SLCO6A1: variants seen among roughly 807,000 people sequenced by gnomAD.
The protein encoded by SLCO6A1 is solute carrier organic anion transporter family member 6A1.
SLCO6A1 carries 65 observed loss-of-function variants against 72.7 expected under a neutral mutation model. That is an observed-to-expected ratio of 0.89 (90% confidence interval 0.73 to 1.10). The LOEUF is 1.10. SLCO6A1 is among the 50% of genes least tolerant of loss of function. The probability of loss-of-function intolerance (pLI) is 0.00; values close to 1 mark genes in which losing one functional copy is unlikely to be tolerated. For missense variants in SLCO6A1, 874 were observed against 872.6 expected, an observed-to-expected ratio of 1.00 and a Z score of -0.02; for synonymous variants, 314 against 298.2, an observed-to-expected ratio of 1.05 and a Z score of -0.55.
chr5:102,471,820 G>A (rs549323144), intron 4 of SLCO6A1, among the ~76,000 whole-genome samples: 1 of 152,088 alleles, frequency 6.6e-6, no homozygotes, highest in South Asian at 2.1e-4. Context: ...TTTTAGTAAT[G>A]TGGGCAGACT....
intron 7 of SLCO6A1, among the ~76,000 whole-genome samples, chr5:102,430,845 G>C (rs1005140458): frequency 6.6e-6 from 1 of 151,890 alleles, no homozygotes; most frequent in African/African-American, 2.4e-5. Context: ...TCCTCAATTT[G>C]TTGGAATAGT....
In SLCO6A1 at chr5:102,388,726, T is replaced by A; in HGVS notation, c.1979A>T (p.Tyr660Phe). The change falls in exon 12 of 14, where the codon TAT becomes TTT. Residue 660 changes from tyrosine to phenylalanine, a missense_variant. By Grantham distance (22) the Tyr-to-Phe change is conservative (BLOSUM62 3). Transcript: ENST00000506729. The stretch of plus-strand genomic sequence containing the variant: ...TAAGAAAGCCATTTTTGTCTTGTTA[T>A]ATATCCAACAACGTCCTGTGTGTCC... ...KCGHTGRCWIYNKTKMAFLLV... is the reference protein window; with the variant it reads ...KCGHTGRCWIFNKTKMAFLLV... The A allele has an allele frequency of 6.2e-7, 1 of 1,600,210 alleles. No individual in the cohort carries two copies. Among genetic ancestry groups the A allele is most frequent in the Non-Finnish European group, 8.5e-7 (1 of 1,175,144 alleles).
Position 102,399,629 on chromosome 5 carries a change from CA to C in SLCO6A1, c.1739del (p.Leu580CysfsTer24). The C allele has an allele frequency of 6.2e-7, 1 of 1,607,082 alleles. No individual in the cohort carries two copies. The highest frequency in any genetic ancestry group is 8.5e-7 in the Non-Finnish European group (1 of 1,175,592). Reference protein sequence around the residue: ...KCDAKCYKLPLFIAFIFSTLI... With the variant: ...KCDAKCYKLPXFIAFIFSTLI... ...GTGTAGAAAAGATAAAAGCAATGAA[CA>C]AAGGTAACTTATAGCACTTTGCATC... On this transcript the variant is annotated frameshift_variant, in exon 10 of 14. Coordinates refer to ENST00000506729, the MANE Select transcript of SLCO6A1 (RefSeq NM_173488.5). LOFTEE classifies it high-confidence loss of function.
chr5:102,475,649 TA>T, intron 4 of SLCO6A1, 47 bp downstream of exon 4: 1 of 1,222,058 alleles, frequency 8.2e-7, no homozygotes. Flanking sequence ...AGCTATTTAG[TA>T]AGTATTTTAT....
intron 6 of SLCO6A1, among the ~76,000 whole-genome samples, chr5:102,445,476 C>T (rs932936548): frequency 2.0e-5 from 3 of 152,038 alleles, no homozygotes; most frequent in African/African-American, 7.2e-5. Flanking sequence ...TATTTATCGA[C>T]CTTTGTCAGA....
intron 12 of SLCO6A1, among the ~76,000 whole-genome samples, chr5:102,373,807 T>C (rs6863041): frequency 0.65 from 98,374 of 151,990 alleles, 32,048 homozygotes; most frequent in African/African-American, 0.67. Context: ...TAGCTATCAA[T>C]AGGAACCAGA....
At chr5:102,494,441 T>C (rs956061182) in intron 1 of SLCO6A1, among the ~76,000 whole-genome samples, 1 of 152,224 alleles carries the variant, frequency 6.6e-6, no homozygotes. Context: ...TTCATCAAAG[T>C]TGAAAGTTGA....
intron 1 of SLCO6A1, among the ~76,000 whole-genome samples, chr5:102,482,538 G>A (rs1752263969): frequency 6.6e-6 from 1 of 152,074 alleles, no homozygotes; most frequent in Non-Finnish European, 1.5e-5. Flanking sequence ...TTACTACTGG[G>A]AGTGGTTGAA....
chr5:102,388,676 A>G lies in SLCO6A1; in HGVS notation c.2017+12T>C. On this transcript the variant is annotated intron_variant, in intron 12 of 13. Coordinates refer to ENST00000506729, the MANE Select transcript of SLCO6A1 (RefSeq NM_173488.5). ...TTTTATTTCTCTAAGTTTTTTAATAAGTATCACTTACATATTCCTACCAAT... is the reference window on the plus strand; with the variant it reads ...TTTTATTTCTCTAAGTTTTTTAATAGGTATCACTTACATATTCCTACCAAT... 2 of 1,504,658 alleles carry G rather than the reference A, an allele frequency of 1.3e-6. No individual in the cohort carries two copies. The highest frequency in any genetic ancestry group is 1.8e-6 in the Non-Finnish European group (2 of 1,116,438). The allele number at this position is 1,504,658 out of a possible 1,614,324, so 93.2% of individuals were successfully genotyped here.
chr5:102,496,162 A>C (rs1752901537), intron 1 of SLCO6A1, among the ~76,000 whole-genome samples: 1 of 152,208 alleles, frequency 6.6e-6, no homozygotes, highest in Non-Finnish European at 1.5e-5. Context: ...AGTAGTTAGC[A>C]GTAGTGGTGC....
chr5:102,404,294 G>A (rs541287796), intron 9 of SLCO6A1, among the ~76,000 whole-genome samples: 2 of 152,308 alleles, frequency 1.3e-5, no homozygotes, highest in Non-Finnish European at 2.9e-5. Context: ...AGGAGATCGA[G>A]ACCATCCTGG....
At chr5:102,396,957 C>A (rs888382182) in intron 10 of SLCO6A1, among the ~76,000 whole-genome samples, 1 of 152,122 alleles carries the variant, frequency 6.6e-6, no homozygotes, top group African/African-American at 2.4e-5. Flanking sequence ...ATCCTAAGTA[C>A]TTCCCAAAAG....
At chr5:102,433,497 A>G (rs1235864171) in intron 7 of SLCO6A1, among the ~76,000 whole-genome samples, 1 of 152,084 alleles carries the variant, frequency 6.6e-6, no homozygotes, top group Non-Finnish European at 1.5e-5. Flanking sequence ...GGTTCATTCA[A>G]CTGGCTTTGT....
At chr5:102,427,046 T>C (rs1164921694) in intron 7 of SLCO6A1, among the ~76,000 whole-genome samples, 1 of 151,994 alleles carries the variant, frequency 6.6e-6, no homozygotes, top group Non-Finnish European at 1.5e-5. Context: ...ATATTCTTAC[T>C]CATAAGTGGG....
At chr5:102,412,575 G>A (rs908650505) in intron 9 of SLCO6A1, among the ~76,000 whole-genome samples, 2 of 151,958 alleles carry the variant, frequency 1.3e-5, no homozygotes, top group Non-Finnish European at 2.9e-5. Flanking sequence ...AGCTTGGGCA[G>A]CATGGCAAAA....
chr5:102,408,551 C>G (rs1014719230), intron 9 of SLCO6A1, among the ~76,000 whole-genome samples: 1 of 152,028 alleles, frequency 6.6e-6, no homozygotes, highest in African/African-American at 2.4e-5. Context: ...CATCCAGAAA[C>G]AGAAGGCAAC....
At chr5:102,468,178 C>T (rs1427827253) in intron 4 of SLCO6A1, among the ~76,000 whole-genome samples, 12 of 152,010 alleles carry the variant, frequency 7.9e-5, no homozygotes. Context: ...CAATTTTATT[C>T]CACTGTGGTC....
chr5:102,378,535 C>T (rs77300008), intron 12 of SLCO6A1, among the ~76,000 whole-genome samples: 2 of 152,240 alleles, frequency 1.3e-5, no homozygotes, highest in East Asian at 3.9e-4. Flanking sequence ...TCCTCAGGGT[C>T]ACTAACTGAT....
chr5:102,444,009 T>C (rs940695731), intron 6 of SLCO6A1, among the ~76,000 whole-genome samples: 7 of 152,174 alleles, frequency 4.6e-5, no homozygotes, highest in Admixed American at 4.6e-4. Flanking sequence ...CCAAGGTTTT[T>C]TCCACACGAG....
Sources: gnomAD v4.1 joint callset for allele counts (sites outside exome capture counted in the v4.1 genomes callset) on GRCh38, gnomAD v4.1.1 for gene constraint, MANE v1.5 for transcripts, NCBI Gene and HGNC (gene_info 2026-07-23, HGNC 2026-07-21) for gene names.